Variants in STAG2 observed in about 807,000 individuals in gnomAD.
The protein encoded by STAG2 is STAG2 cohesin complex component, also known as cohesin subunit SA-2.
STAG2 carries 14 observed loss-of-function variants against 108.1 expected under a neutral mutation model. The observed-to-expected ratio is 0.13, with a 90% CI of 0.09 to 0.20. STAG2 has a LOEUF of 0.20. Ranked by LOEUF, STAG2 falls within the 10% of genes least tolerant of loss-of-function variation. The pLI, the probability that STAG2 is intolerant of heterozygous loss-of-function variation, is 1.00. For synonymous variants in STAG2, 307 were observed against 302.7 expected (o/e 1.01, Z -0.15); for missense variants, 440 against 940.9 (o/e 0.47, Z 6.96).
intron 1 of STAG2, among the ~76,000 whole-genome samples, chrX:124,012,831 A>G (rs1314441166): frequency 8.9e-6 from 1 of 111,856 alleles, no homozygotes; most frequent in East Asian, 2.8e-4. Context: ...CTACAGTTCT[A>G]TCTTCATTAT....
At chrX:124,051,062 A>T (rs2148224289) in intron 11 of STAG2, 59 bp from the exon 12 acceptor site, 1 of 665,274 alleles carries the variant, frequency 1.5e-6, no homozygotes, top group Non-Finnish European at 2.3e-6. Context: ...TGAATATTGA[A>T]GTTGAAAATA....
intron 25 of STAG2, 44 bp from the exon 26 acceptor site, chrX:124,076,288 G>C: frequency 8.5e-7 from 1 of 1,169,944 alleles, no homozygotes; most frequent in Middle Eastern, 2.4e-4. Flanking sequence ...ATACATGGTT[G>C]AAATAAAATA....
chrX:123,980,716 T>C (rs1292835405), intron 1 of STAG2, among the ~76,000 whole-genome samples: 1 of 111,380 alleles, frequency 9.0e-6, no homozygotes, highest in Non-Finnish European at 1.9e-5. Flanking sequence ...CAAAGTCAAA[T>C]AGAATTGTAT....
chrX:124,076,533 C>A, intron 26 of STAG2, 62 bp downstream of exon 26: 1 of 1,016,980 alleles, frequency 9.8e-7, no homozygotes, highest in Non-Finnish European at 1.3e-6. Flanking sequence ...TTATGCATGG[C>A]TGCCATTGAA....
chrX:124,038,850 C>A (rs1485788139), intron 6 of STAG2, among the ~76,000 whole-genome samples: 1 of 111,805 alleles, frequency 8.9e-6, no homozygotes, highest in African/African-American at 3.2e-5. Flanking sequence ...ATTCAGCTGA[C>A]TTCTGCTCAG....
At chrX:123,975,253 T>C (rs985687032) in intron 1 of STAG2, among the ~76,000 whole-genome samples, 3 of 112,025 alleles carry the variant, frequency 2.7e-5, no homozygotes, top group Non-Finnish European at 5.6e-5. Context: ...GTAGGAAATA[T>C]TATTAGCAAA....
chrX:124,073,174 T>C (rs2058715911), intron 25 of STAG2, among the ~76,000 whole-genome samples: 1 of 111,536 alleles, frequency 9.0e-6, no homozygotes. Context: ...ATCCAAAAAA[T>C]GAATAGGACT....
intron 3 of STAG2, 49 bp downstream of exon 3, chrX:124,022,720 A>C (rs1351841062): frequency 1.1e-6 from 1 of 874,191 alleles, no homozygotes; most frequent in East Asian, 3.4e-5. Flanking sequence ...TTATTCCACA[A>C]AATGGGGAAT....
chrX:124,098,378 A>T (rs1249544806), intron 34 of STAG2, among the ~76,000 whole-genome samples: 6 of 111,258 alleles, frequency 5.4e-5, no homozygotes, highest in African/African-American at 1.3e-4. Context: ...TTTTTTTTTT[A>T]AAGTTAACAG....
chrX:124,039,310 C>T (rs2057625528), intron 6 of STAG2, among the ~76,000 whole-genome samples: 1 of 109,396 alleles, frequency 9.1e-6, no homozygotes, highest in South Asian at 3.9e-4. Flanking sequence ...CTCACGACAA[C>T]ACGCCCAGCT....
At chrX:124,021,537 C>T (rs1273302960) in intron 2 of STAG2, 106 bp downstream of exon 2, 1 of 112,016 alleles carries the variant, frequency 8.9e-6, no homozygotes, top group Non-Finnish European at 1.9e-5. Context: ...CCTTGACTTT[C>T]AAAACATAGA....
intron 29 of STAG2, 134 bp downstream of exon 29, chrX:124,083,683 C>A: frequency 2.5e-6 from 1 of 407,329 alleles, no homozygotes. Flanking sequence ...GTTTATACTT[C>A]AGCAACTTTA....
upstream of STAG2, chrX:123,961,694 C>CCCCCTCCCTCCCTCT (rs2053867903): frequency 2.0e-5 from 2 of 101,462 alleles, no homozygotes; most frequent in Admixed American, 1.0e-4. Flanking sequence ...TCCCTCCCTC[C>CCCCCTCCCTCCCTCT]CCCCTCCCTC....
chrX:123,973,540 CAA>C (rs35943528), intron 1 of STAG2, among the ~76,000 whole-genome samples: 4 of 46,202 alleles, frequency 8.7e-5, no homozygotes, highest in Non-Finnish European at 1.5e-4. Flanking sequence ...GACTCTGTCT[CAA>C]AAAAAAAAAA....
chrX:123,965,955 C>T (rs1230808085), intron 1 of STAG2, among the ~76,000 whole-genome samples: 2 of 109,783 alleles, frequency 1.8e-5, no homozygotes, highest in Non-Finnish European at 3.8e-5. Flanking sequence ...GCCACGATTG[C>T]GCCACTGCAC....
chrX:124,006,115 C>G (rs1466114766), intron 1 of STAG2, among the ~76,000 whole-genome samples: 1 of 111,498 alleles, frequency 9.0e-6, no homozygotes, highest in African/African-American at 3.3e-5. Flanking sequence ...AGGTCATATT[C>G]TGAGGTACTG....
chrX:124,083,355 G>C, intron 28 of STAG2, 66 bp from the exon 29 acceptor site: 1 of 934,509 alleles, frequency 1.1e-6, no homozygotes, highest in Non-Finnish European at 1.4e-6. Context: ...AATTTCCTAA[G>C]TTATTGACTT....
chrX:124,015,601 C>T (rs187078991), intron 1 of STAG2, among the ~76,000 whole-genome samples: 34 of 107,143 alleles, frequency 3.2e-4, no homozygotes, highest in Admixed American at 7.0e-4. Context: ...TCTTGAACTC[C>T]TGACCTCGTG....
rs751343402 is a variant in STAG2 at position 123,984,756 on chromosome X, G to A, written c.-163+22900G>A. 4.5e-5 allele frequency among the ~76,000 whole-genome samples: 5 copies of A among 110,813 alleles called. No homozygotes were observed. In the Admixed American group the frequency reaches 4.8e-4, roughly 11 times the overall value. On this transcript the variant is annotated intron_variant, in intron 1 of 34. Transcript: ENST00000371145. ...GGGCTCAAGTGATCCTCCCACCTCA[G>A]CCTACGGAGTAGTTGGGCCCACAGG...
Sources: allele counts gnomAD v4.1 joint callset (sites outside exome capture counted in the v4.1 genomes callset), GRCh38; gene constraint gnomAD v4.1.1; transcripts MANE v1.5; gene names NCBI Gene and HGNC (gene_info 2026-07-23, HGNC 2026-07-21).